PDSS2: variants seen among roughly 807,000 people sequenced by gnomAD.
PDSS2 encodes the protein all trans-polyprenyl-diphosphate synthase PDSS2.
Under a neutral mutation model 44.5 loss-of-function variants are expected in PDSS2, and 31 were observed. The observed-to-expected ratio is 0.70, with a 90% CI of 0.52 to 0.94. The LOEUF (loss-of-function observed/expected upper bound fraction) is 0.94, where lower values mean the gene tolerates loss of function less well. PDSS2 is among the 40% of genes least tolerant of loss of function. The probability of loss-of-function intolerance (pLI) is 0.00; values close to 1 mark genes in which losing one functional copy is unlikely to be tolerated. For synonymous variants in PDSS2, 157 were observed against 180.3 expected, an observed-to-expected ratio of 0.87 and a Z score of 1.03; for missense variants, 452 against 482.2, an observed-to-expected ratio of 0.94 and a Z score of 0.59.
chr6:107,365,791 C>T (rs1298383380), intron 1 of PDSS2, among the ~76,000 whole-genome samples: 1 of 152,054 alleles, frequency 6.6e-6, no homozygotes, highest in Non-Finnish European at 1.5e-5. Context: ...AAGGACATTT[C>T]ATAATCATAA....
At chr6:107,450,206 G>A (rs916251511) in intron 1 of PDSS2, among the ~76,000 whole-genome samples, 6 of 152,114 alleles carry the variant, frequency 3.9e-5, no homozygotes, top group South Asian at 2.1e-4. Flanking sequence ...GTAGCATTTC[G>A]TTGTTATGTA....
chr6:107,418,205 G>T (rs1780723263), intron 1 of PDSS2, among the ~76,000 whole-genome samples: 1 of 152,220 alleles, frequency 6.6e-6, no homozygotes, highest in East Asian at 1.9e-4. Context: ...CAAGATGGGA[G>T]GATTATCCTG....
At chr6:107,228,695 AAAATAAATAAAT>A (rs61470983) in intron 4 of PDSS2, among the ~76,000 whole-genome samples, 2,227 of 141,148 alleles carry the variant, frequency 0.016, 20 homozygotes, top group Middle Eastern at 0.059. Context: ...ACTCTATCTC[AAAATAAATAAAT>A]AAATAAATAA....
intron 1 of PDSS2, among the ~76,000 whole-genome samples, chr6:107,435,825 T>C (rs1781332840): frequency 6.6e-6 from 1 of 152,184 alleles, no homozygotes; most frequent in African/African-American, 2.4e-5. Context: ...TAAAATCTTT[T>C]TAATTTGCTA....
At chr6:107,166,095 A>G (rs1435343238) in intron 7 of PDSS2, among the ~76,000 whole-genome samples, 3 of 152,090 alleles carry the variant, frequency 2.0e-5, no homozygotes, top group African/African-American at 7.2e-5. Context: ...TAAATATACA[A>G]TCATGTCATC....
intron 1 of PDSS2, among the ~76,000 whole-genome samples, chr6:107,457,330 AG>A (rs137920151): frequency 1.3e-5 from 2 of 152,368 alleles, no homozygotes; most frequent in Non-Finnish European, 2.9e-5. Context: ...TGGGAGAAAC[AG>A]GGTTAGGTGT....
chr6:107,286,763 G>A (rs1461009031), intron 2 of PDSS2, among the ~76,000 whole-genome samples: 2 of 152,090 alleles, frequency 1.3e-5, no homozygotes, highest in Non-Finnish European at 2.9e-5. Context: ...AGAAAAGAGT[G>A]GCCAGGTGCG....
At chr6:107,430,237 C>T (rs912827017) in intron 1 of PDSS2, among the ~76,000 whole-genome samples, 10 of 152,068 alleles carry the variant, frequency 6.6e-5, no homozygotes, top group Admixed American at 4.6e-4. Flanking sequence ...CAGTGGCTCA[C>T]GCCTGTAATC....
chr6:107,226,777 C>A (rs958335196), intron 4 of PDSS2, among the ~76,000 whole-genome samples: 5 of 150,018 alleles, frequency 3.3e-5, no homozygotes, highest in Admixed American at 6.8e-5. Context: ...TCAAGCGATT[C>A]TCCTGCCTCG....
chr6:107,459,198 C>T lies in PDSS2; in HGVS notation c.88G>A (p.Asp30Asn). 6.2e-7 allele frequency: 1 copy of T among 1,614,010 alleles called. No homozygotes were observed. The highest frequency in any genetic ancestry group is 1.1e-5 in the South Asian group (1 of 91,082). Reference sequence around the variant, plus strand: ...CAAGAGCCCACCGAGGAGATGGTGTCGAGGGACGGGGACCACCACAGGCGA... The same window carrying T: ...CAAGAGCCCACCGAGGAGATGGTGTTGAGGGACGGGGACCACCACAGGCGA... ...PRRLWWSPSLDTISSVGSWRG... is the reference protein window; with the variant it reads ...PRRLWWSPSLNTISSVGSWRG... The change falls in exon 1 of 8, where the codon GAC (aspartate) becomes AAC (asparagine). Residue 30 changes from aspartate to asparagine, a missense_variant. Transcript: ENST00000369037. This position sits in a 1 kb window ranked among gnomAD's most constrained non-coding sequence, Gnocchi z 4.3.
intron 2 of PDSS2, among the ~76,000 whole-genome samples, chr6:107,280,161 G>T (rs1775913698): frequency 6.6e-6 from 1 of 152,118 alleles, no homozygotes; most frequent in Non-Finnish European, 1.5e-5. Flanking sequence ...CCAGGTTCAA[G>T]CAATTCTCAT....
intron 7 of PDSS2, among the ~76,000 whole-genome samples, chr6:107,159,802 C>T (rs555776429): frequency 6.6e-6 from 1 of 152,256 alleles, no homozygotes; most frequent in African/African-American, 2.4e-5. Context: ...TCTAGGTTAG[C>T]ACCTTTAGGT....
At chr6:107,296,946 T>C (rs1776528486) in intron 2 of PDSS2, among the ~76,000 whole-genome samples, 1 of 152,208 alleles carries the variant, frequency 6.6e-6, no homozygotes, top group Non-Finnish European at 1.5e-5. Context: ...AAACATTTAA[T>C]GGTGTTGTAA....
At chr6:107,276,358 A>G (rs1368516742) in intron 2 of PDSS2, among the ~76,000 whole-genome samples, 1 of 152,162 alleles carries the variant, frequency 6.6e-6, no homozygotes, top group East Asian at 1.9e-4. Flanking sequence ...GGAAGTGACA[A>G]CTGTGGTTAT....
intron 1 of PDSS2, among the ~76,000 whole-genome samples, chr6:107,346,250 G>C (rs185066214): frequency 2.0e-5 from 3 of 152,268 alleles, no homozygotes; most frequent in Non-Finnish European, 4.4e-5. Context: ...ATCCTAGCAG[G>C]AAGAAATCTC....
intron 1 of PDSS2, among the ~76,000 whole-genome samples, chr6:107,408,761 A>G (rs1426645771): frequency 6.6e-6 from 1 of 152,232 alleles, no homozygotes; most frequent in African/African-American, 2.4e-5. Context: ...AAAAGAGGCT[A>G]GAAATTTAGA....
chr6:107,155,876 CCTTT>C (rs1282685601), intron 7 of PDSS2, among the ~76,000 whole-genome samples: 9 of 110,024 alleles, frequency 8.2e-5, no homozygotes, highest in African/African-American at 2.4e-4. Context: ...CCTTGCCCGG[CCTTT>C]TTTTTTTTTT....
intron 2 of PDSS2, among the ~76,000 whole-genome samples, chr6:107,300,209 C>T (rs899730415): frequency 1.3e-5 from 2 of 152,168 alleles, no homozygotes; most frequent in African/African-American, 4.8e-5. Context: ...TCAAATGAAG[C>T]CCCAGATGCA....
At chr6:107,439,948 C>A (rs1471223907) in intron 1 of PDSS2, among the ~76,000 whole-genome samples, 1 of 152,034 alleles carries the variant, frequency 6.6e-6, no homozygotes, top group Non-Finnish European at 1.5e-5. Flanking sequence ...AGTATATGGA[C>A]AAGGTGACTG....
Sources: gnomAD v4.1 joint callset for allele counts (sites outside exome capture counted in the v4.1 genomes callset) on GRCh38, gnomAD v4.1.1 for gene constraint, Gnocchi (gnomAD v3.1) non-coding constraint, MANE v1.5 for transcripts, NCBI Gene and HGNC (gene_info 2026-07-23, HGNC 2026-07-21) for gene names.